Variants in PKP1 observed in about 807,000 individuals in gnomAD.
PKP1 encodes plakophilin-1.
A neutral mutation model predicts 76.4 loss-of-function variants in PKP1; 27 were observed. The ratio of observed to expected loss-of-function variants is 0.35; its 90% CI spans 0.26 to 0.49. The LOEUF (loss-of-function observed/expected upper bound fraction) is 0.49, where lower values mean the gene tolerates loss of function less well. Among genes scored for constraint, PKP1 ranks in the 20% least tolerant of loss-of-function variants. The pLI is 0.99. For missense variants in PKP1, 964 were observed against 955.2 expected, an observed-to-expected ratio of 1.01 and a Z score of -0.12; for synonymous variants, 404 against 384.2, an observed-to-expected ratio of 1.05 and a Z score of -0.60.
chr1:201,329,212 A>G (rs369838627), intron 13 of PKP1, among the ~76,000 whole-genome samples: 1 of 152,172 alleles, frequency 6.6e-6, no homozygotes, highest in East Asian at 1.9e-4. Context: ...GTTCTAGAAT[A>G]TGTCATTCTG....
chr1:201,309,651 G>A (rs895453251), intron 2 of PKP1, among the ~76,000 whole-genome samples: 1 of 152,198 alleles, frequency 6.6e-6, no homozygotes, highest in Non-Finnish European at 1.5e-5. Context: ...TGGGAGAGCC[G>A]GCATTGGCGG....
chr1:201,321,878 C>G (rs1558194703), intron 7 of PKP1, 100 bp from the exon 8 acceptor site: 1 of 1,386,438 alleles, frequency 7.2e-7, no homozygotes, highest in African/African-American at 1.4e-5. Flanking sequence ...CCCGATGCAG[C>G]CCAGGTGCCT....
Position 201,316,649 on chromosome 1 carries a change from CT to C in PKP1, c.799del (p.Tyr267IlefsTer72). On this transcript the variant is annotated frameshift_variant, in exon 4 of 14. Transcript: ENST00000367324. LOFTEE classifies it high-confidence loss of function. ...QDEKYQAIGA[Y>X]YIQHTCFQDE... ...ATGAGAAGTACCAGGCCATTGGGGC[CT>C]ATTACATCCAGCATACCTGCTTCCA... is the stretch of plus-strand genomic sequence containing the variant. 6.2e-7 allele frequency: 1 copy of C among 1,613,860 alleles called. No homozygotes were observed. The highest frequency in any genetic ancestry group is 1.1e-5 in the South Asian group (1 of 90,940).
At position 201,283,607 on chromosome 1, in the gene PKP1, G is replaced by C. The variant is rs886045807; in HGVS notation, c.-96G>C. 3 of 1,092,352 alleles carry C rather than the reference G, an allele frequency of 2.7e-6. No individual in the cohort carries two copies. The highest frequency in any genetic ancestry group is 3.1e-5 in the African/African-American group (2 of 63,802). The allele number at this position is 1,092,352 out of a possible 1,614,324, so 67.7% of individuals were successfully genotyped here. On this transcript the variant is annotated 5_prime_UTR_variant, in exon 1 of 14. Transcript: ENST00000367324. ...ATGGCCGTAGGGAGCCGCTGAGAGC[G>C]AGAAGAGCACGCTCCTGCCCGCCCG...
chr1:201,303,002 C>T (rs1185238890), intron 2 of PKP1, among the ~76,000 whole-genome samples: 1 of 152,264 alleles, frequency 6.6e-6, no homozygotes, highest in Non-Finnish European at 1.5e-5. Flanking sequence ...GGTCTCCTGA[C>T]TCCTGGCTCA....
intron 6 of PKP1, chr1:201,319,989 T>C: frequency 8.3e-7 from 1 of 1,209,666 alleles, no homozygotes; most frequent in East Asian, 2.3e-5. Flanking sequence ...AAATGAGACC[T>C]CATTTCAGCC....
At chr1:201,299,464 C>G (rs1347704878) in intron 2 of PKP1, among the ~76,000 whole-genome samples, 1 of 152,152 alleles carries the variant, frequency 6.6e-6, no homozygotes, top group Non-Finnish European at 1.5e-5. Context: ...CTGGCTTTCT[C>G]AATTATGGAG....
intron 12 of PKP1, among the ~76,000 whole-genome samples, chr1:201,326,556 CTTTTAGCTTGGAGA>C (rs1212793921): frequency 6.6e-6 from 1 of 152,210 alleles, no homozygotes; most frequent in Non-Finnish European, 1.5e-5. Flanking sequence ...TAGGCTGGAG[CTTTTAGCTTGGAGA>C]CTATGGTTAT....
intron 11 of PKP1, 95 bp from the exon 12 acceptor site, chr1:201,325,650 CTCCCCTGTG>C: frequency 3.4e-6 from 3 of 879,466 alleles, no homozygotes; most frequent in Non-Finnish European, 5.7e-6. Flanking sequence ...CCTCTGAGGC[CTCCCCTGTG>C]TCCAGGCCCT....
intron 12 of PKP1, among the ~76,000 whole-genome samples, chr1:201,326,552 G>A (rs1487908413): frequency 6.6e-6 from 1 of 152,254 alleles, no homozygotes; most frequent in Non-Finnish European, 1.5e-5. Context: ...TGATTAGGCT[G>A]GAGCTTTTAG....
chr1:201,319,239 T>A (rs1001514585), intron 6 of PKP1, among the ~76,000 whole-genome samples: 6 of 152,232 alleles, frequency 3.9e-5, no homozygotes, highest in African/African-American at 1.4e-4. Flanking sequence ...ATGGCACTGC[T>A]TCACCCAAAG....
At chr1:201,317,887 G>A in intron 5 of PKP1, 108 bp downstream of exon 5, 3 of 1,101,404 alleles carry the variant, frequency 2.7e-6, no homozygotes, top group Non-Finnish European at 4.0e-6. Flanking sequence ...CCAAGACACA[G>A]CTGTGCAGAT....
At position 201,317,814 on chromosome 1, in the gene PKP1, G is replaced by T. The variant is rs567826362; in HGVS notation, c.1054+35G>T. ...CACGGCCACCGAGAGCCAGCCTGAG[G>T]GCTGTGCAAGGCCACTGGCTATGGC... On this transcript the variant is annotated intron_variant, in intron 5 of 13. Coordinates refer to ENST00000367324, the MANE Select transcript of PKP1 (RefSeq NM_001005337.3). 7.6e-6 allele frequency: 12 copies of T among 1,585,164 alleles called. No homozygotes were observed. In the African/African-American group the frequency reaches 9.4e-5, roughly 12 times the overall value.
intron 13 of PKP1, among the ~76,000 whole-genome samples, chr1:201,329,828 C>T (rs1346738611): frequency 6.6e-6 from 1 of 152,210 alleles, no homozygotes; most frequent in Non-Finnish European, 1.5e-5. Context: ...CCTTAATGAA[C>T]ACCACCTTCT....
chr1:201,325,647 G>A lies in PKP1; in HGVS notation c.2022-107G>A. On this transcript the variant is annotated intron_variant, in intron 11 of 13. Coordinates refer to ENST00000367324, the MANE Select transcript of PKP1 (RefSeq NM_001005337.3). ...TTTGCACACCTGAGGCCTCCTCTGA[G>A]GCCTCCCCTGTGTCCAGGCCCTGGC... 2.5e-5 allele frequency: 21 copies of A among 852,624 alleles called. No individual in the cohort carries two copies. The South Asian group carries it at 2.9e-4, about 12-fold the overall frequency. The allele number at this position is 852,624 out of a possible 1,614,324, so 52.8% of individuals were successfully genotyped here.
At chr1:201,293,803 C>T in intron 1 of PKP1, 139 bp from the exon 2 acceptor site, 1 of 703,484 alleles carries the variant, frequency 1.4e-6, no homozygotes, top group East Asian at 2.7e-5. Flanking sequence ...GATGACATTC[C>T]CCACCTTCTC....
chr1:201,316,508 C>T (rs1444824251), intron 3 of PKP1, 45 bp from the exon 4 acceptor site: 3 of 1,563,488 alleles, frequency 1.9e-6, no homozygotes, highest in African/African-American at 2.7e-5. Flanking sequence ...CTCAGCAGGG[C>T]TCCCAGCCCA....
At chr1:201,322,872 C>A in intron 8 of PKP1, 141 bp from the exon 9 acceptor site, 2 of 806,918 alleles carry the variant, frequency 2.5e-6, no homozygotes, top group Non-Finnish European at 4.0e-6. Flanking sequence ...TGTCCTGGGC[C>A]CCCTGCCTCT....
intron 1 of PKP1, among the ~76,000 whole-genome samples, chr1:201,289,511 G>A (rs772394734): frequency 3.0e-4 from 45 of 152,250 alleles, no homozygotes; most frequent in Admixed American, 2.2e-3. Context: ...TGGAAAAAGC[G>A]GATTTCCCTA....
Sources: allele counts gnomAD v4.1 joint callset (sites outside exome capture counted in the v4.1 genomes callset), GRCh38; gene constraint gnomAD v4.1.1; transcripts MANE v1.5; gene names NCBI Gene and HGNC (gene_info 2026-07-23, HGNC 2026-07-21).